Variants in STK39 observed in about 807,000 individuals in gnomAD.
The protein encoded by STK39 is serine/threonine kinase 39.
In STK39, 20 loss-of-function variants were observed where a neutral mutation model predicts 77.8. The observed-to-expected ratio is 0.26, with a 90% CI of 0.18 to 0.37. The LOEUF is 0.37. Ranked by LOEUF, STK39 falls within the 10% of genes least tolerant of loss-of-function variation. The pLI is 1.00. For synonymous variants in STK39, 246 were observed against 234.1 expected (o/e 1.05, Z -0.47); for missense variants, 479 against 656.5 (o/e 0.73, Z 2.95).
At chr2:168,018,530 AAAGAAAGAAAAG>A (rs1407086389) in intron 14 of STK39, among the ~76,000 whole-genome samples, 4 of 76,968 alleles carry the variant, frequency 5.2e-5, no homozygotes, top group South Asian at 7.4e-4. Flanking sequence ...AAAAGAAAGA[AAAGAAAGAAAAG>A]AAAGAAAGAA....
Position 168,075,249 on chromosome 2 carries a change from C to T in STK39, c.1090-18G>A. 3 of 1,613,088 alleles carry T rather than the reference C, an allele frequency of 1.9e-6. No homozygotes were observed. In the South Asian group the frequency reaches 3.3e-5, roughly 18 times the overall value. On this transcript the variant is annotated intron_variant, in intron 10 of 17. Transcript: ENST00000355999. ...CTTCTTACCTGAATCAAAACAAGCC[C>T]ACACAATTCTTCACTAGTCAAATGT...
At chr2:168,088,169 C>T (rs955318832) in intron 10 of STK39, among the ~76,000 whole-genome samples, 1 of 152,152 alleles carries the variant, frequency 6.6e-6, no homozygotes, top group African/African-American at 2.4e-5. Context: ...TCTAATTTCA[C>T]TAAGATATCT....
intron 14 of STK39, among the ~76,000 whole-genome samples, chr2:168,052,061 C>A (rs1401449487): frequency 6.6e-6 from 1 of 151,844 alleles, no homozygotes; most frequent in Non-Finnish European, 1.5e-5. Context: ...ATAGCACATC[C>A]ACACTTTCAA....
intron 1 of STK39, among the ~76,000 whole-genome samples, chr2:168,185,782 AT>A (rs1410399129): frequency 2.0e-5 from 3 of 152,202 alleles, no homozygotes; most frequent in African/African-American, 7.2e-5. Flanking sequence ...CATTTAGTGC[AT>A]TTAGTGCAAA....
intron 16 of STK39, among the ~76,000 whole-genome samples, chr2:168,001,518 T>A (rs550897296): frequency 5.4e-4 from 61 of 111,928 alleles, no homozygotes; most frequent in African/African-American, 1.6e-3. Context: ...TCCTCTTTTT[T>A]TAAAAAAAAA....
chr2:168,048,987 G>C (rs1266839922), intron 14 of STK39, among the ~76,000 whole-genome samples: 4 of 152,184 alleles, frequency 2.6e-5, no homozygotes, highest in African/African-American at 2.4e-5. Context: ...TTGACGAGAT[G>C]GTTTTCATCA....
chr2:168,190,641 AAAC>A (rs1009048380), intron 1 of STK39, among the ~76,000 whole-genome samples: 9 of 152,192 alleles, frequency 5.9e-5, no homozygotes, highest in Admixed American at 3.3e-4. Context: ...ATAAAACACT[AAAC>A]AACAACATGA....
intron 12 of STK39, among the ~76,000 whole-genome samples, chr2:168,066,865 G>A (rs1204194850): frequency 1.3e-5 from 2 of 152,244 alleles, no homozygotes; most frequent in East Asian, 1.9e-4. Flanking sequence ...AGATGCACAG[G>A]AGAGCTGGAC....
At chr2:168,014,447 G>A (rs991508452) in intron 15 of STK39, among the ~76,000 whole-genome samples, 1 of 151,790 alleles carries the variant, frequency 6.6e-6, no homozygotes, top group Non-Finnish European at 1.5e-5. Flanking sequence ...CAGGGTGACA[G>A]AGTGAAACCC....
chr2:167,990,039 T>C (rs1683660369), intron 16 of STK39, among the ~76,000 whole-genome samples: 1 of 152,094 alleles, frequency 6.6e-6, no homozygotes, highest in Non-Finnish European at 1.5e-5. Flanking sequence ...TTCAAATGGT[T>C]ATTAGAAACT....
chr2:168,163,462 C>T (rs1211639781), intron 4 of STK39, among the ~76,000 whole-genome samples: 1 of 152,152 alleles, frequency 6.6e-6, no homozygotes, highest in African/African-American at 2.4e-5. Flanking sequence ...CCAAGGATAC[C>T]AATATAATTC....
chr2:168,188,866 G>T (rs541419866), intron 1 of STK39, among the ~76,000 whole-genome samples: 1 of 152,128 alleles, frequency 6.6e-6, no homozygotes, highest in African/African-American at 2.4e-5. Flanking sequence ...TAAAACAGAC[G>T]CTCCTGCTGG....
At chr2:168,242,546 CAA>C (rs1186813675) in intron 1 of STK39, among the ~76,000 whole-genome samples, 4 of 17,544 alleles carry the variant, frequency 2.3e-4, no homozygotes, top group African/African-American at 7.9e-4. Context: ...AAGACTCTTA[CAA>C]AAAAAAAAAA....
intron 16 of STK39, among the ~76,000 whole-genome samples, chr2:167,992,235 G>C (rs535725506): frequency 2.0e-5 from 3 of 152,268 alleles, no homozygotes; most frequent in Admixed American, 2.0e-4. Context: ...AGACAAGCCA[G>C]AACTGGATTC....
intron 14 of STK39, among the ~76,000 whole-genome samples, chr2:168,025,766 A>G (rs998696356): frequency 6.6e-6 from 1 of 152,240 alleles, no homozygotes; most frequent in Admixed American, 6.5e-5. Flanking sequence ...CAGAAATAAA[A>G]GAGCCACGAA....
At chr2:167,959,971 C>T (rs1028346463) in intron 17 of STK39, among the ~76,000 whole-genome samples, 11 of 152,200 alleles carry the variant, frequency 7.2e-5, no homozygotes, top group Non-Finnish European at 1.2e-4. Context: ...TTGAGGCCCA[C>T]GCTTTGTGAG....
At chr2:168,071,989 G>A (rs1007537172) in intron 12 of STK39, among the ~76,000 whole-genome samples, 10 of 152,034 alleles carry the variant, frequency 6.6e-5, no homozygotes, top group Admixed American at 1.3e-4. Flanking sequence ...TTAAGGGAAT[G>A]GTATTTGTAA....
chr2:168,222,331 C>A (rs1384905803), intron 1 of STK39, among the ~76,000 whole-genome samples: 2 of 152,170 alleles, frequency 1.3e-5, no homozygotes, highest in African/African-American at 4.8e-5. Context: ...GGAGAGATGA[C>A]AGGCCATGAG....
At chr2:168,207,261 A>G (rs1033579838) in intron 1 of STK39, among the ~76,000 whole-genome samples, 1 of 152,200 alleles carries the variant, frequency 6.6e-6, no homozygotes, top group Non-Finnish European at 1.5e-5. Flanking sequence ...TTGTTGCATT[A>G]CAGTTTCAAT....
Sources: allele counts gnomAD v4.1 joint callset (sites outside exome capture counted in the v4.1 genomes callset), GRCh38; gene constraint gnomAD v4.1.1; transcripts MANE v1.5; gene names NCBI Gene and HGNC (gene_info 2026-07-23, HGNC 2026-07-21).